Variants in CNTNAP2 observed in about 807,000 individuals in gnomAD.
The protein encoded by CNTNAP2 is contactin-associated protein-like 2.
In CNTNAP2, 98 loss-of-function variants were observed where a neutral mutation model predicts 155.2. The ratio of observed to expected loss-of-function variants is 0.63; its 90% CI spans 0.54 to 0.75. The LOEUF (loss-of-function observed/expected upper bound fraction) is 0.75, where lower values mean the gene tolerates loss of function less well. Among genes scored for constraint, CNTNAP2 ranks in the 30% least tolerant of loss-of-function variants. The pLI is 0.00. For synonymous variants in CNTNAP2, 651 were observed against 631.2 expected (o/e 1.03, Z -0.47); for missense variants, 1,727 against 1,688.1 (o/e 1.02, Z -0.40).
At chr7:147,919,563 A>C (rs937528717) in intron 14 of CNTNAP2, among the ~76,000 whole-genome samples, 1 of 148,966 alleles carries the variant, frequency 6.7e-6, no homozygotes, top group African/African-American at 2.5e-5. Context: ...GGTTCATGCC[A>C]TTCTCTTGCC....
intron 9 of CNTNAP2, among the ~76,000 whole-genome samples, chr7:147,348,405 A>G (rs1367536403): frequency 6.6e-6 from 1 of 152,010 alleles, no homozygotes; most frequent in African/African-American, 2.4e-5. Flanking sequence ...AATTCTCAAC[A>G]TTACTAATTA....
chr7:147,368,770 A>C (rs1525228), intron 9 of CNTNAP2, among the ~76,000 whole-genome samples: 30,733 of 152,172 alleles, frequency 0.2, 3,566 homozygotes, highest in African/African-American at 0.31. Context: ...AATACAAAAG[A>C]GTTCCTCTTA....
chr7:146,599,781 G>GATAGATA (rs919754614), intron 1 of CNTNAP2, among the ~76,000 whole-genome samples: 1 of 151,704 alleles, frequency 6.6e-6, no homozygotes, highest in African/African-American at 2.4e-5. Context: ...TAGATAGATA[G>GATAGATA]ATCTCTAGTT....
intron 1 of CNTNAP2, among the ~76,000 whole-genome samples, chr7:146,373,845 A>G (rs1795270572): frequency 6.6e-6 from 1 of 152,196 alleles, no homozygotes; most frequent in Admixed American, 6.5e-5. Flanking sequence ...TGTATCAGAA[A>G]CACCATTCTG....
chr7:148,144,286 C>T (rs780329043), intron 16 of CNTNAP2, among the ~76,000 whole-genome samples: 15 of 152,100 alleles, frequency 9.9e-5, no homozygotes, highest in Non-Finnish European at 1.3e-4. Flanking sequence ...TGTCACTCTC[C>T]GGGGCAGAAA....
chr7:146,481,048 TGAGTGACCAAAATCA>T (rs1796954127), intron 1 of CNTNAP2, among the ~76,000 whole-genome samples: 1 of 151,992 alleles, frequency 6.6e-6, no homozygotes, highest in East Asian at 1.9e-4. Context: ...GATAAGAAAT[TGAGTGACCAAAATCA>T]TATACTTCTC....
intron 11 of CNTNAP2, among the ~76,000 whole-genome samples, chr7:147,533,974 C>T (rs1191446379): frequency 2.0e-5 from 3 of 152,100 alleles, no homozygotes; most frequent in African/African-American, 7.2e-5. Context: ...TTAATAATAC[C>T]ACTATTCAGT....
chr7:147,128,586 T>C (rs1801284561), intron 6 of CNTNAP2, 107 bp from the exon 7 acceptor site: 1 of 1,219,264 alleles, frequency 8.2e-7, no homozygotes, highest in African/African-American at 1.5e-5. Context: ...ATAATATTTG[T>C]ATATTTTGGT....
At chr7:147,752,168 G>A (rs1195317555) in intron 13 of CNTNAP2, among the ~76,000 whole-genome samples, 4 of 152,298 alleles carry the variant, frequency 2.6e-5, no homozygotes, top group South Asian at 4.1e-4. Context: ...ATACAGATAC[G>A]TAACTGACTT....
rs1480198532 is a variant in CNTNAP2 at position 148,415,631 on chromosome 7, G to C, written c.*15G>C. On this transcript the variant is annotated 3_prime_UTR_variant, in exon 24 of 24. Transcript: ENST00000361727. ...GGCTCATTTGAGGGGTGGCTACTTG[G>C]CTATGGGATAGGGAGGAGGGAATTA... The C allele has an allele frequency of 6.2e-7, 1 of 1,614,140 alleles. No homozygotes were observed.
At chr7:146,743,161 T>C (rs112650764) in intron 1 of CNTNAP2, among the ~76,000 whole-genome samples, 1 of 152,182 alleles carries the variant, frequency 6.6e-6, no homozygotes, top group Non-Finnish European at 1.5e-5. Context: ...TCTGACATAG[T>C]GAAATTGATT....
At chr7:146,931,948 G>A (rs1237993112) in intron 3 of CNTNAP2, among the ~76,000 whole-genome samples, 1 of 151,874 alleles carries the variant, frequency 6.6e-6, no homozygotes, top group East Asian at 1.9e-4. Context: ...ATAATCAATA[G>A]CTTACCAACC....
intron 18 of CNTNAP2, among the ~76,000 whole-genome samples, chr7:148,203,162 T>C (rs1232140363): frequency 6.6e-6 from 1 of 152,162 alleles, no homozygotes; most frequent in Non-Finnish European, 1.5e-5. Context: ...CACTAAGATG[T>C]CTTGGATTTT....
chr7:148,061,707 G>A (rs1217224137), intron 15 of CNTNAP2, among the ~76,000 whole-genome samples: 2 of 151,884 alleles, frequency 1.3e-5, no homozygotes, highest in Non-Finnish European at 2.9e-5. Flanking sequence ...ACCAGAATGG[G>A]GGAGGAAATG....
chr7:146,494,207 A>G (rs528038311), intron 1 of CNTNAP2, among the ~76,000 whole-genome samples: 121 of 151,912 alleles, frequency 8.0e-4, no homozygotes, highest in Non-Finnish European at 1.3e-3. Flanking sequence ...GGTGGCGGGC[A>G]CCTGTAGTCC....
chr7:147,921,560 T>G (rs1800280959), intron 14 of CNTNAP2, among the ~76,000 whole-genome samples: 2 of 152,216 alleles, frequency 1.3e-5, no homozygotes, highest in South Asian at 4.1e-4. Context: ...AATTTTTGAG[T>G]TCCTGTTATG....
intron 1 of CNTNAP2, among the ~76,000 whole-genome samples, chr7:146,375,174 C>T (rs1042168753): frequency 2.0e-5 from 3 of 152,194 alleles, no homozygotes; most frequent in African/African-American, 7.2e-5. Flanking sequence ...CTAACTAGTT[C>T]ATTGCTTCTC....
At chr7:147,516,128 A>G (rs555005041) in intron 11 of CNTNAP2, among the ~76,000 whole-genome samples, 15 of 152,252 alleles carry the variant, frequency 9.9e-5, no homozygotes, top group Non-Finnish European at 1.9e-4. Flanking sequence ...ATCATTTAAA[A>G]TGTTAGGAGA....
intron 1 of CNTNAP2, among the ~76,000 whole-genome samples, chr7:146,721,889 A>ATATATATATATATATATATATATATTTTT: frequency 1.4e-5 from 1 of 69,738 alleles, no homozygotes; most frequent in African/African-American, 1.9e-4. Context: ...ATATATATAT[A>ATATATATATATATATATATATATATTTTT]TTTTTTTTTT....
Sources: allele counts gnomAD v4.1 joint callset (sites outside exome capture counted in the v4.1 genomes callset), GRCh38; gene constraint gnomAD v4.1.1; transcripts MANE v1.5; gene names NCBI Gene and HGNC (gene_info 2026-07-23, HGNC 2026-07-21).